Variants in PHACTR1 observed in about 807,000 individuals in gnomAD.
The protein encoded by PHACTR1 is phosphatase and actin regulator 1, also known as RPEL repeat containing 1.
Under a neutral mutation model 69.2 loss-of-function variants are expected in PHACTR1, and 16 were observed. That is an observed-to-expected ratio of 0.23 (90% CI 0.16 to 0.35). The LOEUF is 0.35. PHACTR1 is among the 10% of genes least tolerant of loss of function. The pLI, the probability that PHACTR1 is intolerant of heterozygous loss-of-function variation, is 1.00. For missense variants in PHACTR1, 510 were observed against 734.7 expected (o/e 0.69, Z 3.54); for synonymous variants, 312 against 284.5 (o/e 1.10, Z -0.97).
intron 3 of PHACTR1, among the ~76,000 whole-genome samples, chr6:12,720,416 C>A (rs1044791054): frequency 6.6e-6 from 1 of 152,170 alleles, no homozygotes; most frequent in Admixed American, 6.5e-5. Context: ...GCTCCAAGAT[C>A]TTACGGAAGG....
intron 5 of PHACTR1, among the ~76,000 whole-genome samples, chr6:13,100,595 T>G (rs1361833732): frequency 6.6e-6 from 1 of 152,240 alleles, no homozygotes; most frequent in Non-Finnish European, 1.5e-5. Flanking sequence ...TTCCATCTCT[T>G]GGCTTCTTAA....
intron 7 of PHACTR1, chr6:13,196,412 T>G (rs1764417517): frequency 6.4e-6 from 1 of 156,660 alleles, no homozygotes; most frequent in Non-Finnish European, 1.4e-5. Context: ...CATCCACTGG[T>G]TTTCTTTCTT....
intron 4 of PHACTR1, among the ~76,000 whole-genome samples, chr6:12,996,982 A>G (rs984306498): frequency 6.6e-6 from 1 of 152,084 alleles, no homozygotes; most frequent in Non-Finnish European, 1.5e-5. Context: ...CCTGACCAAC[A>G]TGGAGAAACC....
At chr6:12,948,171 G>C (rs888811623) in intron 4 of PHACTR1, among the ~76,000 whole-genome samples, 1 of 152,190 alleles carries the variant, frequency 6.6e-6, no homozygotes, top group African/African-American at 2.4e-5. Context: ...CTGGCCAGTA[G>C]GTGATGCTGA....
chr6:13,235,985 G>A (rs2127357591), intron 10 of PHACTR1, among the ~76,000 whole-genome samples: 1 of 152,280 alleles, frequency 6.6e-6, no homozygotes, highest in South Asian at 2.1e-4. Context: ...GTGAGCTCAG[G>A]AGTAAATGAG....
At chr6:12,924,280 A>G (rs1277474178) in intron 4 of PHACTR1, among the ~76,000 whole-genome samples, 1 of 152,226 alleles carries the variant, frequency 6.6e-6, no homozygotes, top group Non-Finnish European at 1.5e-5. Context: ...ACATATGCCA[A>G]CATGTGTTAA....
chr6:13,236,776 A>G (rs1772054092), intron 10 of PHACTR1, among the ~76,000 whole-genome samples: 1 of 152,238 alleles, frequency 6.6e-6, no homozygotes, highest in African/African-American at 2.4e-5. Context: ...ATTTCAACCT[A>G]GAAGTTTTAG....
rs532459691 is a variant in PHACTR1 at position 12,773,696 on chromosome 6, T to A, written c.250+23906T>A. On this transcript the variant is annotated intron_variant, in intron 4 of 14. Transcript: ENST00000332995. ...TTGCTTCAGGCATCAACTTGGCATT[T>A]AAAAAAAAATTTAAAACCACATGGA... Among the ~76,000 whole-genome samples the A allele has an allele frequency of 2.4e-4, 37 of 151,812 alleles. No individual in the cohort carries two copies. The South Asian group carries it at 5.4e-3, about 22-fold the overall frequency.
At chr6:13,019,272 A>G (rs1338249877) in intron 4 of PHACTR1, among the ~76,000 whole-genome samples, 1 of 152,180 alleles carries the variant, frequency 6.6e-6, no homozygotes, top group Non-Finnish European at 1.5e-5. Flanking sequence ...AAAAGTAGAC[A>G]TAATAGGATA....
At chr6:12,848,395 T>C (rs1166827181) in intron 4 of PHACTR1, among the ~76,000 whole-genome samples, 1 of 152,184 alleles carries the variant, frequency 6.6e-6, no homozygotes, top group Non-Finnish European at 1.5e-5. Flanking sequence ...TCATTTTTCT[T>C]TTCTCCTACT....
intron 4 of PHACTR1, among the ~76,000 whole-genome samples, chr6:13,040,931 A>T (rs967281131): frequency 5.3e-5 from 8 of 152,178 alleles, no homozygotes; most frequent in Non-Finnish European, 8.8e-5. Context: ...CTTAAACCTG[A>T]TGTTCAAAGT....
chr6:13,075,734 C>T (rs1202200296), intron 5 of PHACTR1, among the ~76,000 whole-genome samples: 2 of 152,112 alleles, frequency 1.3e-5, no homozygotes, highest in Non-Finnish European at 2.9e-5. Flanking sequence ...AGCATTTGGC[C>T]AGGCTATGTT....
At chr6:13,145,232 G>A (rs1225993630) in intron 5 of PHACTR1, among the ~76,000 whole-genome samples, 1 of 152,188 alleles carries the variant, frequency 6.6e-6, no homozygotes, top group Non-Finnish European at 1.5e-5. Context: ...CTCTTGAGAA[G>A]TAGCTGAGCA....
intron 5 of PHACTR1, among the ~76,000 whole-genome samples, chr6:13,125,797 G>T (rs9463459): frequency 6.6e-6 from 1 of 152,100 alleles, no homozygotes; most frequent in South Asian, 2.1e-4. Flanking sequence ...AGACTTGGTG[G>T]TGCACACCTA....
At chr6:13,131,178 T>TAC (rs61143569) in intron 5 of PHACTR1, among the ~76,000 whole-genome samples, 21,611 of 94,274 alleles carry the variant, frequency 0.23, 1,770 homozygotes, top group Middle Eastern at 0.32. Context: ...TGTGTGTATA[T>TAC]ACACACACAC....
intron 6 of PHACTR1, among the ~76,000 whole-genome samples, chr6:13,181,823 C>G (rs902770932): frequency 2.0e-5 from 3 of 152,202 alleles, no homozygotes; most frequent in African/African-American, 7.2e-5. Flanking sequence ...CCTTTGCTCC[C>G]TAAAGTAGGA....
intron 10 of PHACTR1, among the ~76,000 whole-genome samples, chr6:13,241,962 G>T (rs905354800): frequency 1.3e-5 from 2 of 149,178 alleles, no homozygotes; most frequent in African/African-American, 2.5e-5. Context: ...GAACCCAGGA[G>T]ATGGAGGTTG....
At chr6:12,758,072 A>T (rs1445715065) in intron 4 of PHACTR1, among the ~76,000 whole-genome samples, 2 of 151,854 alleles carry the variant, frequency 1.3e-5, no homozygotes, top group African/African-American at 4.8e-5. Context: ...AGGTCAAGCC[A>T]CTGCACTCCA....
At chr6:12,785,207 T>C (rs1468761897) in intron 4 of PHACTR1, among the ~76,000 whole-genome samples, 1 of 152,156 alleles carries the variant, frequency 6.6e-6, no homozygotes, top group East Asian at 1.9e-4. Flanking sequence ...AAAAATGCAA[T>C]TCATCAGAGC....
Sources: gnomAD v4.1 joint callset for allele counts (sites outside exome capture counted in the v4.1 genomes callset) on GRCh38, gnomAD v4.1.1 for gene constraint, MANE v1.5 for transcripts, NCBI Gene and HGNC (gene_info 2026-07-23, HGNC 2026-07-21) for gene names.